SLC26A7: variants seen among roughly 807,000 people sequenced by gnomAD.
SLC26A7 encodes solute carrier family 26 member 7.
Under a neutral mutation model 82.5 loss-of-function variants are expected in SLC26A7, and 59 were observed. The observed-to-expected ratio is 0.72, with a 90% confidence interval of 0.58 to 0.89. SLC26A7 has a LOEUF of 0.89. Ranked by LOEUF, SLC26A7 falls within the 40% of genes least tolerant of loss-of-function variation. The pLI, the probability that SLC26A7 is intolerant of heterozygous loss-of-function variation, is 0.00. For missense variants in SLC26A7, 820 were observed against 793.0 expected (o/e 1.03, Z -0.41); for synonymous variants, 271 against 274.3 (o/e 0.99, Z 0.12).
chr8:91,290,161 C>T (rs1169967645), intron 3 of SLC26A7, among the ~76,000 whole-genome samples: 4 of 152,088 alleles, frequency 2.6e-5, no homozygotes, highest in Non-Finnish European at 4.4e-5. Context: ...ATAATTTTAA[C>T]TAAAAATATC....
chr8:91,315,481 C>G (rs938131991), intron 4 of SLC26A7, among the ~76,000 whole-genome samples: 2 of 151,034 alleles, frequency 1.3e-5, no homozygotes, highest in Admixed American at 1.3e-4. Context: ...ACACCATGTT[C>G]CACTTGTGCC....
intron 13 of SLC26A7, among the ~76,000 whole-genome samples, chr8:91,363,844 A>G (rs1814116161): frequency 6.6e-6 from 1 of 152,148 alleles, no homozygotes. Context: ...TGAGTTGCAT[A>G]AAGTAATCAA....
rs185076197 is a variant in SLC26A7 at position 91,296,291 on chromosome 8, G to A, written c.477+588G>A. On this transcript the variant is annotated intron_variant, in intron 4 of 18. Coordinates refer to ENST00000276609, the MANE Select transcript of SLC26A7 (RefSeq NM_052832.4). ...TGTAATTTGATGTTTCTAATCAGTCGTCAAAATTTGAAAGCTCAGAGGTGA... is the reference window on the plus strand; with the variant it reads ...TGTAATTTGATGTTTCTAATCAGTCATCAAAATTTGAAAGCTCAGAGGTGA... Among the ~76,000 whole-genome samples, 11 of 152,216 alleles carry A rather than the reference G, an allele frequency of 7.2e-5. No homozygotes were observed. In the South Asian group the frequency reaches 8.3e-4, roughly 11 times the overall value.
At chr8:91,335,191 A>G (rs1813207147) in intron 6 of SLC26A7, among the ~76,000 whole-genome samples, 2 of 152,118 alleles carry the variant, frequency 1.3e-5, no homozygotes, top group Admixed American at 6.6e-5. Context: ...ATGTTGTCTA[A>G]ATAACTTCAT....
At chr8:91,274,550 G>T (rs562750426) in intron 2 of SLC26A7, among the ~76,000 whole-genome samples, 177 of 152,224 alleles carry the variant, frequency 1.2e-3, no homozygotes, top group African/African-American at 4.0e-3. Flanking sequence ...GCAAGAGAGG[G>T]TGACCTCACT....
rs1315326711 is a variant in SLC26A7 at position 91,295,643 on chromosome 8, C to A, written c.417C>A (p.Asp139Glu). 1.2e-6 allele frequency: 2 copies of A among 1,613,974 alleles called. No individual in the cohort carries two copies. The highest frequency in any genetic ancestry group is 1.7e-6 in the Non-Finnish European group (2 of 1,179,982). ...QSNTSVLGLS[D>E]FEMQRIHVAA... Reference sequence around the variant, plus strand: ...ACACAAGCGTGCTGGGCTTATCCGACTTTGAAATGCAAAGGATCCACGTTG... The same window carrying A: ...ACACAAGCGTGCTGGGCTTATCCGAATTTGAAATGCAAAGGATCCACGTTG... Residue 139 changes from aspartate (D) to glutamate (E), a missense_variant, in exon 4 of 19, where the codon GAC becomes GAA. Asp to Glu is a conservative substitution (Grantham distance 45, BLOSUM62 2). Transcript: ENST00000276609.
intron 9 of SLC26A7, among the ~76,000 whole-genome samples, chr8:91,350,882 T>A (rs1813696121): frequency 6.6e-6 from 1 of 152,196 alleles, no homozygotes; most frequent in Non-Finnish European, 1.5e-5. Flanking sequence ...TGCCAAACTG[T>A]TTCAGAGTAG....
In SLC26A7 at chr8:91,390,675, C is replaced by A. The variant is rs543897901; in HGVS notation, c.1776+1237C>A. Among the ~76,000 whole-genome samples, 4 of 152,090 alleles carry A rather than the reference C, an allele frequency of 2.6e-5. No homozygotes were observed. The East Asian group carries it at 7.8e-4, about 30-fold the overall frequency. On this transcript the variant is annotated intron_variant, in intron 16 of 18. Coordinates refer to ENST00000276609, the MANE Select transcript of SLC26A7 (RefSeq NM_052832.4). ...TGACATTGAGCCAAATAATTAAAACCTTATGGAAATTTCTAGAGTTCTTTC... is the reference window on the plus strand; with the variant it reads ...TGACATTGAGCCAAATAATTAAAACATTATGGAAATTTCTAGAGTTCTTTC...
chr8:91,229,712 C>T (rs1269681952), intron 2 of SLC26A7, among the ~76,000 whole-genome samples: 1 of 152,098 alleles, frequency 6.6e-6, no homozygotes, highest in Non-Finnish European at 1.5e-5. Flanking sequence ...CATTCCCAAA[C>T]CTTTATAAAG....
Position 91,272,168 on chromosome 8 carries a change from T to G in SLC26A7, c.194-16968T>G, listed in dbSNP as rs540007038. 5.9e-5 allele frequency among the ~76,000 whole-genome samples: 9 copies of G among 152,226 alleles called. 1 individual carries two copies. The highest frequency in any genetic ancestry group is 1.0e-4 in the Non-Finnish European group (7 of 68,028). On this transcript the variant is annotated intron_variant, in intron 2 of 18. Coordinates refer to ENST00000276609, the MANE Select transcript of SLC26A7 (RefSeq NM_052832.4). ...CTTGCTTACCCTTTCATCTACCTGATAGTCAGGACCTTCCTTTTGTCTTTG... is the reference window on the plus strand; with the variant it reads ...CTTGCTTACCCTTTCATCTACCTGAGAGTCAGGACCTTCCTTTTGTCTTTG...
chr8:91,211,554 A>G (rs901719719), intron 1 of SLC26A7, among the ~76,000 whole-genome samples: 22 of 149,604 alleles, frequency 1.5e-4, no homozygotes, highest in Admixed American at 2.7e-4. Context: ...TTGCTTTTAT[A>G]TATCTCTAGA....
At chr8:91,221,831 T>C (rs1264585663) in intron 2 of SLC26A7, among the ~76,000 whole-genome samples, 2 of 152,238 alleles carry the variant, frequency 1.3e-5, no homozygotes, top group African/African-American at 4.8e-5. Flanking sequence ...TTCTTTTTGC[T>C]TAGGATTGTC....
At position 91,222,583 on chromosome 8, in the gene SLC26A7, C is replaced by G. The variant is rs528589415; in HGVS notation, c.-34+3578C>G. ...TAACATGAAGGATATTGAATTTTAT[C>G]AAAGGCCTTTTCTGCATATATTGAG... On this transcript the variant is annotated intron_variant, in intron 2 of 5. Transcript: ENST00000522862. Among the ~76,000 whole-genome samples, 99 of 152,286 alleles carry G rather than the reference C, an allele frequency of 6.5e-4. 1 individual carries two copies. The highest frequency in any genetic ancestry group is 1.2e-3 in the Non-Finnish European group (85 of 68,020).
intron 1 of SLC26A7, among the ~76,000 whole-genome samples, chr8:91,215,217 T>C (rs1810021790): frequency 6.6e-6 from 1 of 152,092 alleles, no homozygotes; most frequent in South Asian, 2.1e-4. Flanking sequence ...GATGTGGACA[T>C]CTTTGGGGGG....
chr8:91,281,518 C>G (rs139187847), intron 2 of SLC26A7, among the ~76,000 whole-genome samples: 31 of 152,244 alleles, frequency 2.0e-4, no homozygotes, highest in African/African-American at 7.5e-4. Context: ...TTTGGTATCC[C>G]GGGGTGTCCT....
chr8:91,274,732 G>A (rs1218727860), intron 2 of SLC26A7, among the ~76,000 whole-genome samples: 1 of 152,170 alleles, frequency 6.6e-6, no homozygotes, highest in African/African-American at 2.4e-5. Context: ...CCAGTGCCTG[G>A]CACATAGATA....
intron 2 of SLC26A7, among the ~76,000 whole-genome samples, chr8:91,287,556 A>G (rs187201795): frequency 1.3e-5 from 2 of 152,296 alleles, no homozygotes; most frequent in Admixed American, 6.5e-5. Context: ...AGCTTTTGCT[A>G]AATATGCCTT....
chr8:91,317,056 A>AG (rs935240655), intron 4 of SLC26A7, among the ~76,000 whole-genome samples: 3 of 136,290 alleles, frequency 2.2e-5, no homozygotes, highest in African/African-American at 8.1e-5. Flanking sequence ...GCTATTCAGG[A>AG]GGCTAAAATG....
intron 3 of SLC26A7, among the ~76,000 whole-genome samples, chr8:91,291,595 G>T (rs1301641137): frequency 1.3e-5 from 2 of 152,020 alleles, no homozygotes; most frequent in African/African-American, 4.8e-5. Context: ...TACCATAATT[G>T]CTTTAAGAAA....
Sources: allele counts gnomAD v4.1 joint callset (sites outside exome capture counted in the v4.1 genomes callset), GRCh38; gene constraint gnomAD v4.1.1; transcripts MANE v1.5; gene names NCBI Gene and HGNC (gene_info 2026-07-23, HGNC 2026-07-21).